Variants in SLC44A5 observed in about 807,000 individuals in gnomAD.
SLC44A5 encodes the protein solute carrier family 44 member 5.
In SLC44A5, 57 loss-of-function variants were observed where a neutral mutation model predicts 101.8. The ratio of observed to expected loss-of-function variants is 0.56; its 90% CI spans 0.45 to 0.70. The LOEUF is 0.70. Among genes scored for constraint, SLC44A5 ranks in the 30% least tolerant of loss-of-function variants. The pLI is 0.00. For missense variants in SLC44A5, 737 were observed against 853.1 expected (o/e 0.86, Z 1.70); for synonymous variants, 281 against 290.9 (o/e 0.97, Z 0.35).
chr1:75,664,952 A>T, the SLC44A5 span, among the ~76,000 whole-genome samples: 1 of 151,512 alleles, frequency 6.6e-6, no homozygotes, highest in Admixed American at 6.6e-5. Context: ...AAAAGAAATC[A>T]CAGAAGATCA....
intron 2 of SLC44A5, among the ~76,000 whole-genome samples, chr1:75,445,002 A>T (rs1384113490): frequency 6.6e-6 from 1 of 152,106 alleles, no homozygotes; most frequent in Non-Finnish European, 1.5e-5. Flanking sequence ...TGAACAAGAA[A>T]ATGTAATGAG....
At chr1:75,439,497 C>G (rs1359666484) in intron 2 of SLC44A5, among the ~76,000 whole-genome samples, 3 of 152,054 alleles carry the variant, frequency 2.0e-5, no homozygotes, top group African/African-American at 7.2e-5. Flanking sequence ...GCAGGAGGAT[C>G]ACTTGAGCCC....
At chr1:75,469,900 GAAAAA>G (rs1171157547) in intron 2 of SLC44A5, among the ~76,000 whole-genome samples, 359 of 80,540 alleles carry the variant, frequency 4.5e-3, no homozygotes, top group African/African-American at 0.011. Context: ...ACCTTGTGAA[GAAAAA>G]AAAAAAAAAA....
the SLC44A5 span, among the ~76,000 whole-genome samples, chr1:75,631,243 G>T: frequency 6.6e-6 from 1 of 152,142 alleles, no homozygotes. Flanking sequence ...GAATGGTCTG[G>T]TTCCTCTCTT....
chr1:75,441,751 T>A (rs750144301), intron 2 of SLC44A5, among the ~76,000 whole-genome samples: 28 of 148,250 alleles, frequency 1.9e-4, no homozygotes, highest in Non-Finnish European at 3.6e-4. Flanking sequence ...AAAATTCAAG[T>A]GTTTTTAAAT....
chr1:75,263,522 A>G (rs1286438094), intron 6 of SLC44A5, among the ~76,000 whole-genome samples: 2 of 152,192 alleles, frequency 1.3e-5, no homozygotes, highest in Non-Finnish European at 2.9e-5. Context: ...ATGCTTTTAC[A>G]CTGTTGGTAG....
intron 6 of SLC44A5, among the ~76,000 whole-genome samples, chr1:75,260,514 G>C (rs76720376): frequency 4.6e-5 from 7 of 152,178 alleles, no homozygotes; most frequent in Admixed American, 1.3e-4. Context: ...GGAACACCCA[G>C]ATTATAAAAC....
intron 2 of SLC44A5, among the ~76,000 whole-genome samples, chr1:75,507,830 G>T (rs1350320338): frequency 6.6e-6 from 1 of 152,012 alleles, no homozygotes; most frequent in Non-Finnish European, 1.5e-5. Context: ...TTTTTAGTTT[G>T]TGTGAATAGA....
Position 75,222,307 on chromosome 1 carries a change from AC to A in SLC44A5, c.1085+53del, listed in dbSNP as rs1044609840. On this transcript the variant is annotated intron_variant, in intron 14 of 23. Coordinates refer to ENST00000370859, the MANE Select transcript of SLC44A5 (RefSeq NM_001130058.2). ...TGAGATATTTATGCAAGGGACAGTG[AC>A]TGATTTTACTGACTGATACACTTTA... 4.3e-5 allele frequency: 56 copies of A among 1,296,270 alleles called. 1 individual carries two copies. In the Admixed American group the frequency reaches 9.1e-4, roughly 21 times the overall value. 80.3% of individuals were successfully genotyped at this position (1,296,270 alleles called of 1,614,324 possible).
At chr1:75,567,568 G>A (rs938807405) in intron 1 of SLC44A5, among the ~76,000 whole-genome samples, 2 of 152,128 alleles carry the variant, frequency 1.3e-5, no homozygotes, top group South Asian at 4.1e-4. Context: ...AAAGGAAATG[G>A]ACCTCAGGGT....
chr1:75,582,182 C>A, intron 1 of SLC44A5: 1 of 852,692 alleles, frequency 1.2e-6, no homozygotes, highest in Non-Finnish European at 2.0e-6. Flanking sequence ...CACAAAGATA[C>A]GAATCTCTTA....
At chr1:75,506,054 C>A (rs546930752) in intron 2 of SLC44A5, among the ~76,000 whole-genome samples, 4 of 152,240 alleles carry the variant, frequency 2.6e-5, no homozygotes, top group Admixed American at 1.3e-4. Context: ...GGTCTAGTTT[C>A]ATTCTTCTGC....
the SLC44A5 span, among the ~76,000 whole-genome samples, chr1:75,673,083 T>A: frequency 1.3e-5 from 2 of 152,034 alleles, no homozygotes; most frequent in Non-Finnish European, 2.9e-5. Flanking sequence ...GGAAGAGTAA[T>A]GGGACTTTAT....
intron 4 of SLC44A5, among the ~76,000 whole-genome samples, chr1:75,335,251 C>G (rs573612781): frequency 3.3e-5 from 5 of 152,238 alleles, no homozygotes; most frequent in African/African-American, 7.2e-5. Context: ...TTCTGTCATG[C>G]CCTAGAATTA....
At chr1:75,366,128 T>A (rs1219542939) in intron 3 of SLC44A5, among the ~76,000 whole-genome samples, 2 of 152,188 alleles carry the variant, frequency 1.3e-5, no homozygotes, top group African/African-American at 4.8e-5. Flanking sequence ...TACCAGTTAG[T>A]TTTATACTTT....
chr1:75,353,444 G>A (rs1658834362), intron 3 of SLC44A5, among the ~76,000 whole-genome samples: 1 of 152,116 alleles, frequency 6.6e-6, no homozygotes, highest in Non-Finnish European at 1.5e-5. Flanking sequence ...ACTTTAAGAG[G>A]GCAGGAACTT....
intron 3 of SLC44A5, among the ~76,000 whole-genome samples, chr1:75,346,035 C>T (rs1446257974): frequency 6.6e-6 from 1 of 152,114 alleles, no homozygotes; most frequent in Non-Finnish European, 1.5e-5. Flanking sequence ...CCTACATCAT[C>T]ACCTAATGAT....
At chr1:75,329,438 A>G (rs1418370131) in intron 4 of SLC44A5, among the ~76,000 whole-genome samples, 1 of 134,176 alleles carries the variant, frequency 7.5e-6, no homozygotes, top group African/African-American at 2.6e-5. Context: ...TCCAAGAAAC[A>G]TTTCTTGATT....
At chr1:75,403,943 GA>G (rs1662676720) in intron 2 of SLC44A5, among the ~76,000 whole-genome samples, 2 of 152,010 alleles carry the variant, frequency 1.3e-5, no homozygotes, top group Admixed American at 1.3e-4. Context: ...AGGGAACTAA[GA>G]ACCTTGCAAA....
Sources: gnomAD v4.1 joint callset for allele counts (sites outside exome capture counted in the v4.1 genomes callset) on GRCh38, gnomAD v4.1.1 for gene constraint, MANE v1.5 for transcripts, NCBI Gene and HGNC (gene_info 2026-07-23, HGNC 2026-07-21) for gene names.